The following WNT8B variants were observed in gnomAD, a reference collection of about 807,000 sequenced individuals.
WNT8B encodes the protein Wnt family member 8B, also known as protein Wnt-8b.
Under a neutral mutation model 36.6 loss-of-function variants are expected in WNT8B, and 24 were observed. The observed-to-expected ratio is 0.66, with a 90% CI of 0.48 to 0.92. The LOEUF (loss-of-function observed/expected upper bound fraction) is 0.92. WNT8B is among the 40% of genes least tolerant of loss of function. The pLI is 0.00. For missense variants in WNT8B, 402 were observed against 470.8 expected, an observed-to-expected ratio of 0.85 and a Z score of 1.35; for synonymous variants, 199 against 189.8, an observed-to-expected ratio of 1.05 and a Z score of -0.40.
At chr10:100,471,920 C>T (rs528652210) in intron 1 of WNT8B, among the ~76,000 whole-genome samples, 23 of 151,922 alleles carry the variant, frequency 1.5e-4, no homozygotes, top group South Asian at 4.2e-4. Flanking sequence ...ATATGCCGGG[C>T]GCGGTGGCTC....
intron 1 of WNT8B, among the ~76,000 whole-genome samples, chr10:100,469,414 C>T (rs1009293484): frequency 1.4e-4 from 21 of 152,226 alleles, no homozygotes; most frequent in Non-Finnish European, 3.1e-4. Flanking sequence ...AGTCTGAATA[C>T]TTCTCTTCCC....
At chr10:100,464,944 T>C (rs1296200607) in intron 1 of WNT8B, among the ~76,000 whole-genome samples, 1 of 152,210 alleles carries the variant, frequency 6.6e-6, no homozygotes, top group African/African-American at 2.4e-5. Context: ...CGGTTTTGCA[T>C]AAGGTCATCT....
chr10:100,477,457 G>A (rs536013702), intron 1 of WNT8B, among the ~76,000 whole-genome samples: 3 of 151,764 alleles, frequency 2.0e-5, no homozygotes, highest in Non-Finnish European at 4.4e-5. Flanking sequence ...CCACCACCAC[G>A]CCTGGCTAAT....
intron 4 of WNT8B, 88 bp from the exon 5 acceptor site, chr10:100,481,824 C>A: frequency 6.5e-7 from 1 of 1,547,920 alleles, no homozygotes; most frequent in South Asian, 1.2e-5. Flanking sequence ...TCCTGGACCC[C>A]CCCACCCCCA....
At chr10:100,471,603 T>C (rs1850978521) in intron 1 of WNT8B, among the ~76,000 whole-genome samples, 1 of 152,224 alleles carries the variant, frequency 6.6e-6, no homozygotes. Flanking sequence ...TTAGGAGTCC[T>C]GGATTAGCCA....
chr10:100,481,514 A>G (rs904281479), intron 4 of WNT8B, among the ~76,000 whole-genome samples: 2 of 151,910 alleles, frequency 1.3e-5, no homozygotes, highest in Non-Finnish European at 2.9e-5. Flanking sequence ...CCATATTTCA[A>G]TTGTACCCCT....
intron 4 of WNT8B, among the ~76,000 whole-genome samples, chr10:100,481,649 T>G (rs2133659204): frequency 6.6e-6 from 1 of 152,040 alleles, no homozygotes; most frequent in East Asian, 1.9e-4. Context: ...GGCAGAGGAG[T>G]GTACTGGCAC....
chr10:100,475,028 A>C (rs1449705440), intron 1 of WNT8B, among the ~76,000 whole-genome samples: 1 of 151,398 alleles, frequency 6.6e-6, no homozygotes, highest in Non-Finnish European at 1.5e-5. Context: ...ATCACCTGAG[A>C]TTGGGAGTTC....
intron 4 of WNT8B, 53 bp from the exon 5 acceptor site, chr10:100,481,859 G>A (rs1589726389): frequency 1.2e-6 from 2 of 1,608,890 alleles, no homozygotes; most frequent in East Asian, 2.2e-5. Flanking sequence ...AGCAGCCCAG[G>A]AGGCTCTGCG....
intron 3 of WNT8B, among the ~76,000 whole-genome samples, chr10:100,480,643 A>G (rs1213592057): frequency 6.6e-6 from 1 of 152,144 alleles, no homozygotes; most frequent in Non-Finnish European, 1.5e-5. Flanking sequence ...TGACCTGAAA[A>G]GACAGGAGGT....
At position 100,463,237 on chromosome 10, in the gene WNT8B, G is replaced by A. The variant is rs1380397307; in HGVS notation, c.68+1G>A. The A allele has an allele frequency of 1.9e-6, 3 of 1,613,676 alleles. No individual in the cohort carries two copies. The South Asian group carries it at 3.3e-5, about 18-fold the overall frequency. On this transcript the variant is annotated splice_donor_variant, in intron 1 of 5. Coordinates refer to ENST00000343737, the MANE Select transcript of WNT8B (RefSeq NM_003393.4). LOFTEE classifies it high-confidence loss of function. ...GTGTCCTCCAACTCAGCCACAGCTG[G>A]TAAGTAACCTGGACTCTTACCTGGA...
At chr10:100,480,064 GC>G (rs1851091019) in intron 3 of WNT8B, 52 bp downstream of exon 3, 2 of 1,596,786 alleles carry the variant, frequency 1.3e-6, no homozygotes, top group African/African-American at 1.3e-5. Flanking sequence ...ACAGGTTAGA[GC>G]CCCAGGGATA....
Position 100,482,817 on chromosome 10 carries a change from G to C in WNT8B, c.*1G>C. On this transcript the variant is annotated 3_prime_UTR_variant, in exon 6 of 6. Coordinates refer to ENST00000343737, the MANE Select transcript of WNT8B (RefSeq NM_003393.4). The surrounding 1 kb of genome is among the most constrained non-coding windows in gnomAD (Gnocchi z 6.6). Reference sequence around the variant, plus strand: ...GCACAAACCCGGGAGAAAACCCTAAGGGTTTCCTCTGCCCCCTCCTTTTCC... The same window carrying C: ...GCACAAACCCGGGAGAAAACCCTAACGGTTTCCTCTGCCCCCTCCTTTTCC... 1.3e-6 allele frequency: 2 copies of C among 1,540,362 alleles called. No homozygotes were observed. Among genetic ancestry groups the C allele is most frequent in the South Asian group, 1.2e-5 (1 of 81,072 alleles).
At position 100,479,871 on chromosome 10, in the gene WNT8B, C is replaced by T; in HGVS notation, c.103-3C>T. ...CTGAATTTTTACCCCTATGTCCCTA[C>T]AGGCTTACCTGATTTACTCCAGCAG... On this transcript the variant is annotated splice_region_variant and splice_polypyrimidine_tract_variant and intron_variant, in intron 2 of 5. Coordinates refer to ENST00000343737, the MANE Select transcript of WNT8B (RefSeq NM_003393.4). The T allele has an allele frequency of 1.2e-6, 2 of 1,613,862 alleles. No individual in the cohort carries two copies. Among genetic ancestry groups the T allele is most frequent in the South Asian group, 1.1e-5 (1 of 91,060 alleles).
intron 1 of WNT8B, among the ~76,000 whole-genome samples, chr10:100,475,856 T>C (rs116483432): frequency 0.015 from 2,293 of 152,294 alleles, 63 homozygotes; most frequent in African/African-American, 0.051. Context: ...GAAATTCATG[T>C]CCAAACCTAT....
intron 1 of WNT8B, among the ~76,000 whole-genome samples, chr10:100,470,803 G>A (rs990116500): frequency 4.6e-5 from 7 of 152,150 alleles, no homozygotes; most frequent in South Asian, 2.1e-4. Context: ...GCGCAGTGGC[G>A]CAATCTCGGC....
At chr10:100,470,290 A>C (rs1208055757) in intron 1 of WNT8B, among the ~76,000 whole-genome samples, 2 of 152,116 alleles carry the variant, frequency 1.3e-5, no homozygotes, top group African/African-American at 4.8e-5. Flanking sequence ...ATACCTGGCT[A>C]AGTTTTGTAT....
intron 1 of WNT8B, among the ~76,000 whole-genome samples, chr10:100,477,910 G>A (rs922731433): frequency 2.7e-5 from 4 of 150,582 alleles, no homozygotes; most frequent in Admixed American, 2.6e-4. Flanking sequence ...CTGAGTAGCT[G>A]GCATTACAGG....
chr10:100,463,091 TGAG>T lies in WNT8B; in HGVS notation c.-74_-72del. ...TTTGAGAATTCCATCCCACTGGCAC[TGAG>T]GAGAATATTTCTCCGTCTTGCTTAC... On this transcript the variant is annotated 5_prime_UTR_variant, in exon 1 of 6. Coordinates refer to ENST00000343737, the MANE Select transcript of WNT8B (RefSeq NM_003393.4). 1.5e-6 allele frequency: 2 copies of T among 1,351,018 alleles called. No individual in the cohort carries two copies. The highest frequency in any genetic ancestry group is 2.4e-5 in the South Asian group (2 of 82,136). The allele number at this position is 1,351,018 out of a possible 1,614,324, so 83.7% of individuals were successfully genotyped here.
Sources: allele counts gnomAD v4.1 joint callset (sites outside exome capture counted in the v4.1 genomes callset), GRCh38; gene constraint gnomAD v4.1.1; non-coding constraint Gnocchi (gnomAD v3.1); transcripts MANE v1.5; gene names NCBI Gene and HGNC (gene_info 2026-07-23, HGNC 2026-07-21).